The following SYNE2 variants were observed in gnomAD, a reference collection of about 807,000 sequenced individuals.
SYNE2 encodes the protein spectrin repeat containing nuclear envelope protein 2.
In SYNE2, 431 loss-of-function variants were observed where a neutral mutation model predicts 856.3. The observed-to-expected ratio is 0.50, with a 90% CI of 0.47 to 0.55. SYNE2 has a LOEUF of 0.55. SYNE2 is among the 20% of genes least tolerant of loss of function. SYNE2 has a pLI of 0.00. For missense variants in SYNE2, 8,129 were observed against 8,023.2 expected (o/e 1.01, Z -0.50); for synonymous variants, 2,923 against 2,872.3 (o/e 1.02, Z -0.56).
At chr14:63,999,314 A>C (rs956671529) in intron 27 of SYNE2, among the ~76,000 whole-genome samples, 1 of 151,700 alleles carries the variant, frequency 6.6e-6, no homozygotes, top group Non-Finnish European at 1.5e-5. Flanking sequence ...GTTTTTGTTT[A>C]TTTCTTTCTT....
At chr14:63,969,176 T>A (rs905588468) in intron 11 of SYNE2, among the ~76,000 whole-genome samples, 1 of 150,938 alleles carries the variant, frequency 6.6e-6, no homozygotes, top group Admixed American at 6.6e-5. Context: ...ATTCTTTTTT[T>A]TTTTTTTTTT....
chr14:64,099,841 C>T (rs1195766786), intron 63 of SYNE2: 2 of 151,726 alleles, frequency 1.3e-5, no homozygotes, highest in African/African-American at 2.4e-5. Flanking sequence ...GCTGGTGCAC[C>T]GTACCCACTA....
At chr14:64,165,588 C>G (rs2098371546) in intron 90 of SYNE2, among the ~76,000 whole-genome samples, 178 bp downstream of exon 90, 1 of 151,872 alleles carries the variant, frequency 6.6e-6, no homozygotes. Context: ...TCTCGGCTCA[C>G]TGCAACCTCC....
chr14:64,210,564 T>A (rs1003665530), intron 103 of SYNE2, among the ~76,000 whole-genome samples: 2 of 152,216 alleles, frequency 1.3e-5, no homozygotes, highest in African/African-American at 4.8e-5. Context: ...CAAGAGCCCC[T>A]GTCTGCACTG....
At chr14:63,831,835 C>T (rs1026842267) in intron 1 of SYNE2, among the ~76,000 whole-genome samples, 7 of 151,924 alleles carry the variant, frequency 4.6e-5, no homozygotes, top group African/African-American at 1.7e-4. Flanking sequence ...TGAGCCACTG[C>T]ACCCAGCATG....
chr14:63,976,629 C>A lies in SYNE2; in HGVS notation c.1195C>A (p.Leu399Ile), dbSNP rs751800008. The A allele has an allele frequency of 3.6e-5, 58 of 1,607,918 alleles. No homozygotes were observed. The highest frequency in any genetic ancestry group is 4.4e-5 in the Non-Finnish European group (52 of 1,179,184). The change falls in exon 12 of 116, where the codon CTC becomes ATC. Residue 399 changes from leucine (L) to isoleucine (I), a missense_variant. Physicochemically the swap from Leu to Ile is conservative, Grantham distance 5 (BLOSUM62 2). This residue lies in a region of SYNE2 where 2,422 missense variants were observed against 2,357.4 expected (regional missense o/e 1.03). Transcript: ENST00000555002. ...ACCCCTCCATCAAACTGAAGCTTGG[C>A]TCCAGGAGGTAGAAGAGCTTATGGA... ...PPPLHQTEAW[L>I]QEVEELMDED... is the part of the protein sequence containing the mutation.
At chr14:64,217,219 T>C (rs1049194897) in intron 108 of SYNE2, among the ~76,000 whole-genome samples, 3 of 152,244 alleles carry the variant, frequency 2.0e-5, no homozygotes, top group Non-Finnish European at 2.9e-5. Context: ...GTTGTTAAGA[T>C]TATTGTGTAT....
chr14:64,149,311 CAG>C (rs2098218863), intron 84 of SYNE2, among the ~76,000 whole-genome samples: 3 of 151,780 alleles, frequency 2.0e-5, no homozygotes, highest in Non-Finnish European at 4.4e-5. Flanking sequence ...AAAAACAAAA[CAG>C]AAAGAAAAAA....
chr14:64,207,640 G>T lies in SYNE2; in HGVS notation c.18202-1118G>T, dbSNP rs75032165. 3.3e-5 allele frequency among the ~76,000 whole-genome samples: 5 copies of T among 152,062 alleles called. No individual in the cohort carries two copies. The East Asian group carries it at 7.7e-4, about 24-fold the overall frequency. ...TTTAAATATGAAAGTGACCTGGAAT[G>T]AAGCTTATATTGCCTTTCTGTAGAT... On this transcript the variant is annotated intron_variant, in intron 100 of 115. Coordinates refer to ENST00000555002, the MANE Select transcript of SYNE2 (RefSeq NM_182914.3).
intron 22 of SYNE2, among the ~76,000 whole-genome samples, chr14:63,994,797 G>C (rs2096699823): frequency 6.6e-6 from 1 of 151,870 alleles, no homozygotes; most frequent in African/African-American, 2.4e-5. Context: ...TCTGTAGCTT[G>C]TCTTTTCATT....
At chr14:63,840,449 T>TCCTTCCTC (rs1258926462) in intron 1 of SYNE2, among the ~76,000 whole-genome samples, 6 of 30,830 alleles carry the variant, frequency 1.9e-4, no homozygotes, top group Non-Finnish European at 4.0e-4. Context: ...CTTCCTTCCT[T>TCCTTCCTC]CCTCCCTCCC....
intron 41 of SYNE2, among the ~76,000 whole-genome samples, chr14:64,025,755 G>A (rs1258073147): frequency 6.6e-6 from 1 of 152,150 alleles, no homozygotes; most frequent in African/African-American, 2.4e-5. Context: ...ACATATGTCA[G>A]TATAGCAGAA....
chr14:63,902,328 T>C (rs1179853706), intron 1 of SYNE2, among the ~76,000 whole-genome samples: 1 of 136,122 alleles, frequency 7.3e-6, no homozygotes, highest in African/African-American at 2.8e-5. Flanking sequence ...CAAGAATCAC[T>C]GGAACCCGGG....
intron 2 of SYNE2, among the ~76,000 whole-genome samples, chr14:63,929,632 G>C (rs1196532746): frequency 6.6e-6 from 1 of 151,984 alleles, no homozygotes; most frequent in East Asian, 1.9e-4. Flanking sequence ...TTAGCTGGGC[G>C]TGGGGGTGGG....
intron 60 of SYNE2, 112 bp downstream of exon 60, chr14:64,091,160 G>A: frequency 2.0e-6 from 2 of 988,950 alleles, no homozygotes; most frequent in Non-Finnish European, 3.1e-6. Context: ...GTAGGAGGTG[G>A]CATTTGATAT....
chr14:64,127,573 G>GAGCCATT (rs2097960649), intron 73 of SYNE2, among the ~76,000 whole-genome samples: 1 of 152,182 alleles, frequency 6.6e-6, no homozygotes, highest in South Asian at 2.1e-4. Flanking sequence ...TAGCTAGAGG[G>GAGCCATT]AGCCATTAAG....
chr14:63,984,927 G>T (rs1025579293), intron 18 of SYNE2, among the ~76,000 whole-genome samples: 9 of 152,220 alleles, frequency 5.9e-5, no homozygotes, highest in African/African-American at 2.2e-4. Context: ...GGAGGCTGAG[G>T]CAAGAGGATT....
chr14:63,767,509 G>A (rs559716173), intron 1 of SYNE2, among the ~76,000 whole-genome samples: 2 of 152,178 alleles, frequency 1.3e-5, no homozygotes, highest in African/African-American at 2.4e-5. Context: ...ATTAAAAATA[G>A]AGAATTTCAT....
At chr14:63,854,144 C>G (rs1353922689) in intron 1 of SYNE2, among the ~76,000 whole-genome samples, 1 of 149,676 alleles carries the variant, frequency 6.7e-6, no homozygotes, top group Admixed American at 6.7e-5. Flanking sequence ...TCTTTCAAGC[C>G]GCTCCACACT....
Sources: allele counts gnomAD v4.1 joint callset (sites outside exome capture counted in the v4.1 genomes callset), GRCh38; gene constraint gnomAD v4.1.1; regional missense constraint gnomAD v4.1.1; transcripts MANE v1.5; gene names NCBI Gene and HGNC (gene_info 2026-07-23, HGNC 2026-07-21).